The following ECI1 variants were observed in gnomAD, a reference collection of about 807,000 sequenced individuals.
ECI1 encodes the protein enoyl-CoA delta isomerase 1, mitochondrial.
A neutral mutation model predicts 34.2 loss-of-function variants in ECI1; 34 were observed. The ratio of observed to expected loss-of-function variants is 1.00; its 90% CI spans 0.76 to 1.33. ECI1 has a LOEUF of 1.33. Ranked by LOEUF, ECI1 falls within the 40% of genes most tolerant of loss-of-function variation. The probability of loss-of-function intolerance (pLI) is 0.00; values close to 1 mark genes in which losing one functional copy is unlikely to be tolerated. For missense variants in ECI1, 456 were observed against 422.2 expected, an observed-to-expected ratio of 1.08 and a Z score of -0.70; for synonymous variants, 211 against 193.0, an observed-to-expected ratio of 1.09 and a Z score of -0.77.
intron 2 of ECI1, among the ~76,000 whole-genome samples, chr16:2,249,230 T>C (rs995737085): frequency 2.0e-5 from 3 of 151,760 alleles, no homozygotes. Context: ...TTGTATTTTT[T>C]AGTAGAGATG....
At position 2,251,384 on chromosome 16, in the gene ECI1, G is replaced by T; in HGVS notation, c.98C>A (p.Ala33Asp). The change falls in exon 2 of 7, where the codon GCC becomes GAC. Residue 33 changes from alanine to aspartate, a missense_variant. Transcript: ENST00000301729. The stretch of plus-strand genomic sequence containing the variant: ...GCGCCGCGCGCCGTCTCCGCCGCCG[G>T]CCGCCCGCTCCGTCCGCCCGAGGGC... ...GAALGRTERA[A>D]GGGDGARRFG... 2 of 1,254,970 alleles carry T rather than the reference G, an allele frequency of 1.6e-6. No individual in the cohort carries two copies. Among genetic ancestry groups the T allele is most frequent in the South Asian group, 3.2e-5 (1 of 31,072 alleles). 77.7% of individuals were successfully genotyped at this position (1,254,970 alleles called of 1,614,324 possible).
intron 3 of ECI1, 137 bp from the exon 4 acceptor site, chr16:2,244,689 A>T: frequency 1.1e-6 from 1 of 910,482 alleles, no homozygotes. Flanking sequence ...TGCCCCACAG[A>T]GCCAGGACTA....
rs1437563142 is a variant in ECI1 at position 2,243,237 on chromosome 16, A to ACACC, written c.564-17_564-14dup. ...GGTGTCTTTCAACCTGGAAATGCAG[A>ACACC]CACCCACTCACCACATGGCCCCAGG... On this transcript the variant is annotated splice_polypyrimidine_tract_variant and intron_variant, in intron 5 of 6. Transcript: ENST00000301729. 1 of 1,612,690 alleles carries ACACC rather than the reference A, an allele frequency of 6.2e-7. No individual in the cohort carries two copies. The highest frequency in any genetic ancestry group is 8.5e-7 in the Non-Finnish European group (1 of 1,180,010).
intron 3 of ECI1, among the ~76,000 whole-genome samples, chr16:2,246,262 G>C (rs957161215): frequency 6.6e-6 from 1 of 152,240 alleles, no homozygotes; most frequent in Non-Finnish European, 1.5e-5. Context: ...TCAGACCAAA[G>C]AGGTTCACCC....
rs1220651247 is a variant in ECI1 at position 2,243,099 on chromosome 16, T to C, written c.689A>G (p.Glu230Gly). The part of the protein sequence containing the change: ...VGIVDQVVPE[E>G]QVQSTALSAI... ...TGACAGCGCAGTGCTCTGCACCTGC[T>C]CCTCCGGGACCACCTGGTCCACTAT... Residue 230 changes from glutamate to glycine, a missense_variant, in exon 6 of 7, where the codon GAG becomes GGG. Coordinates refer to ENST00000301729, the MANE Select transcript of ECI1 (RefSeq NM_001919.4). The C allele has an allele frequency of 6.2e-7, 1 of 1,605,644 alleles. No homozygotes were observed. Among genetic ancestry groups the C allele is most frequent in the Non-Finnish European group, 8.5e-7 (1 of 1,179,902 alleles).
Position 2,244,438 on chromosome 16 carries a change from G to C in ECI1, c.409C>G (p.Gln137Glu), listed in dbSNP as rs771681200. The change falls in exon 4 of 7, where the codon CAG becomes GAG. Residue 137 changes from glutamine (Q) to glutamate (E), a missense_variant. By Grantham distance (29) the Gln-to-Glu change is conservative. Transcript: ENST00000301729. ...AVQELWLRLYQSNLVLVSAIN... is the reference protein window; with the variant it reads ...AVQELWLRLYESNLVLVSAIN... ...GCGGAGACCAGCACCAGGTTGGACT[G>C]GTACAACCGCAGCCACAGCTCCTGA... The C allele has an allele frequency of 1.2e-6, 2 of 1,612,260 alleles. No homozygotes were observed. The highest frequency in any genetic ancestry group is 1.7e-6 in the Non-Finnish European group (2 of 1,179,748).
At chr16:2,244,353 CT>C in intron 4 of ECI1, 52 bp downstream of exon 4, 6 of 1,588,722 alleles carry the variant, frequency 3.8e-6, no homozygotes, top group East Asian at 2.3e-5. Flanking sequence ...GTCCCACCCC[CT>C]GGCGCTGGCC....
rs756023402 is a variant in ECI1, at chr16:2,243,427, C to A, written c.454G>T (p.Ala152Ser). 8 of 1,613,078 alleles carry A rather than the reference C, an allele frequency of 5.0e-6. No homozygotes were observed. Among genetic ancestry groups the A allele is most frequent in the Non-Finnish European group, 6.8e-6 (8 of 1,180,016 alleles). Reference protein sequence around the residue: ...LVSAINGACPAGGCLVALTCD... With the variant: ...LVSAINGACPSGGCLVALTCD... ...GTCAGGGCCACCAGGCAGCCTCCAG[C>A]GGGGCAGGCTCCCTGCAGGGAGAGG... Residue 152 changes from alanine to serine, a missense_variant, in exon 5 of 7, where the codon GCT becomes TCT. Physicochemically the swap from Ala to Ser is moderately conservative, Grantham distance 99. Coordinates refer to ENST00000301729, the MANE Select transcript of ECI1 (RefSeq NM_001919.4).
At chr16:2,248,545 G>A (rs2141508537) in intron 2 of ECI1, among the ~76,000 whole-genome samples, 1 of 152,140 alleles carries the variant, frequency 6.6e-6, no homozygotes, top group Middle Eastern at 3.4e-3. Flanking sequence ...CTCCTGAGAA[G>A]CTGGGATTAC....
At position 2,244,520 on chromosome 16, in the gene ECI1, G is replaced by C; in HGVS notation, c.327C>G (p.Asp109Glu). ...GGCTCCTCCCACACATCTCCGTCAG[G>C]TCCAGGCCGGCCGAGAAGACACCCG... ...DRPGVFSAGL[D>E]LTEMCGRSPA... The change falls in exon 4 of 7, where the codon GAC (aspartate) becomes GAG (glutamate). Residue 109 changes from aspartate to glutamate, a missense_variant. Physicochemically the swap from Asp to Glu is conservative, Grantham distance 45. Coordinates refer to ENST00000301729, the MANE Select transcript of ECI1 (RefSeq NM_001919.4). The C allele has an allele frequency of 6.3e-7, 1 of 1,597,488 alleles. No homozygotes were observed. The highest frequency in any genetic ancestry group is 8.5e-7 in the Non-Finnish European group (1 of 1,172,926).
At chr16:2,241,919 G>A (rs976044102) in intron 6 of ECI1, 1 of 150,440 alleles carries the variant, frequency 6.6e-6, no homozygotes, top group Non-Finnish European at 1.5e-5. Context: ...GAGTACAGTG[G>A]TGCGATCTCA....
chr16:2,240,504 C>A (rs1250541918), intron 6 of ECI1: 1 of 276,382 alleles, frequency 3.6e-6, no homozygotes, highest in East Asian at 9.3e-5. Flanking sequence ...AGCCAGCACG[C>A]CCGGCCCTAA....
At position 2,251,338 on chromosome 16, in the gene ECI1, C is replaced by A; in HGVS notation, c.144G>T (p.Leu48=). ...GARRFGSQRV[L]VEPDAGAGVA... is the part of the protein sequence containing the mutation. Reference sequence around the variant, plus strand: ...CACCTGCGCCCGCGTCCGGCTCCACCAGCACCCGCTGGCTCCCGAAGCGCC... The same window carrying A: ...CACCTGCGCCCGCGTCCGGCTCCACAAGCACCCGCTGGCTCCCGAAGCGCC... The change falls in exon 2 of 7, where the codon CTG becomes CTT. Residue 48 remains leucine (L), a synonymous_variant. Coordinates refer to ENST00000301729, the MANE Select transcript of ECI1 (RefSeq NM_001919.4). The A allele has an allele frequency of 8.0e-7, 1 of 1,249,888 alleles. No individual in the cohort carries two copies. 77.4% of individuals were successfully genotyped at this position (1,249,888 alleles called of 1,614,324 possible). A position where few individuals can be genotyped will look rare whatever the true frequency, so the allele number is the denominator to read the frequency against.
rs772050827 is a variant in ECI1 at position 2,243,038 on chromosome 16, T to C, written c.742+8A>G. 7.5e-5 allele frequency: 120 copies of C among 1,600,136 alleles called. No individual in the cohort carries two copies. The highest frequency in any genetic ancestry group is 9.0e-5 in the Non-Finnish European group (106 of 1,178,478). ...ATCATCGGGCGCCCGCCATGCCCCG[T>C]GCCTCACCTGGAATGGCCATCCACT... is the stretch of plus-strand genomic sequence containing the variant. On this transcript the variant is annotated splice_region_variant and intron_variant, in intron 6 of 6. Coordinates refer to ENST00000301729, the MANE Select transcript of ECI1 (RefSeq NM_001919.4).
Position 2,251,504 on chromosome 16 carries a change from G to A in ECI1, c.52+11C>T, listed in dbSNP as rs988881339. On this transcript the variant is annotated intron_variant, in intron 1 of 6. Transcript: ENST00000301729. ...CCCCGGCCCGATCCCTGCCCACCCC[G>A]GGTTTCGCACCCGCGCGGAGCAGAA... The A allele has an allele frequency of 1.3e-6, 2 of 1,558,738 alleles. No individual in the cohort carries two copies. The highest frequency in any genetic ancestry group is 1.2e-5 in the South Asian group (1 of 84,528).
rs376551552 is a variant in ECI1 at position 2,248,677 on chromosome 16, G to A, written c.167-1691C>T. Among the ~76,000 whole-genome samples the A allele has an allele frequency of 3.3e-5, 5 of 152,244 alleles. No homozygotes were observed. The East Asian group carries it at 5.8e-4, about 18-fold the overall frequency. ...GATCCTCCTGCCTCGGCCTCCCAAA[G>A]TGATGTGATTATAGGTATGAGCCAC... is the stretch of plus-strand genomic sequence containing the variant. On this transcript the variant is annotated intron_variant, in intron 2 of 6. Transcript: ENST00000301729.
intron 6 of ECI1, chr16:2,241,663 T>C (rs2093528414): frequency 6.6e-6 from 1 of 152,084 alleles, no homozygotes; most frequent in African/African-American, 2.4e-5. Flanking sequence ...GTGAAAATTA[T>C]GTGAAACTCA....
chr16:2,249,698 C>T (rs184169195), intron 2 of ECI1, among the ~76,000 whole-genome samples: 5 of 149,458 alleles, frequency 3.3e-5, no homozygotes, highest in Non-Finnish European at 5.9e-5. Context: ...GGTGAAACCC[C>T]GTCTCCACTA....
chr16:2,249,760 C>A (rs1336239080), intron 2 of ECI1, among the ~76,000 whole-genome samples: 1 of 150,624 alleles, frequency 6.6e-6, no homozygotes, highest in Non-Finnish European at 1.5e-5. Flanking sequence ...CGCCTGTAGT[C>A]CCAGCTACTT....
Sources: allele counts gnomAD v4.1 joint callset (sites outside exome capture counted in the v4.1 genomes callset), GRCh38; gene constraint gnomAD v4.1.1; transcripts MANE v1.5; gene names NCBI Gene and HGNC (gene_info 2026-07-23, HGNC 2026-07-21).